Variants in CSMD1 observed in about 807,000 individuals in gnomAD.
The protein encoded by CSMD1 is CUB and Sushi multiple domains 1.
A neutral mutation model predicts 417.5 loss-of-function variants in CSMD1; 213 were observed. The observed-to-expected ratio is 0.51, with a 90% CI of 0.46 to 0.57. The LOEUF is 0.57. Ranked by LOEUF, CSMD1 falls within the 20% of genes least tolerant of loss-of-function variation. CSMD1 has a pLI of 0.00. For missense variants in CSMD1, 6,923 were observed against 4,529.7 expected, an observed-to-expected ratio of 1.53 and a Z score of -15.17; for synonymous variants, 2,862 against 1,736.8, an observed-to-expected ratio of 1.65 and a Z score of -16.11.
chr8:4,434,699 A>C (rs1231955590), intron 2 of CSMD1, among the ~76,000 whole-genome samples: 4 of 152,146 alleles, frequency 2.6e-5, no homozygotes, highest in African/African-American at 7.2e-5. Context: ...AAGAGTAACA[A>C]ATGTTTTCAT....
At chr8:4,960,568 C>G (rs1440938558) in intron 1 of CSMD1, among the ~76,000 whole-genome samples, 1 of 152,160 alleles carries the variant, frequency 6.6e-6, no homozygotes, top group East Asian at 1.9e-4. Context: ...ATCCTGCAAT[C>G]TTCATACACA....
chr8:4,462,897 G>A (rs1159234741), intron 2 of CSMD1, among the ~76,000 whole-genome samples: 1 of 152,028 alleles, frequency 6.6e-6, no homozygotes, highest in African/African-American at 2.4e-5. Context: ...TTTGTAACCT[G>A]ATGTTAAGCA....
intron 1 of CSMD1, among the ~76,000 whole-genome samples, chr8:4,838,433 C>G (rs1414580730): frequency 6.6e-6 from 1 of 152,166 alleles, no homozygotes; most frequent in East Asian, 1.9e-4. Flanking sequence ...AAGCATAGCT[C>G]AAACCAGAGG....
chr8:4,315,063 G>A (rs899532345), intron 3 of CSMD1, among the ~76,000 whole-genome samples: 5 of 152,044 alleles, frequency 3.3e-5, no homozygotes, highest in Admixed American at 2.0e-4. Flanking sequence ...CCACTGCCCC[G>A]ACCATTTGAA....
At chr8:3,468,203 G>T (rs1563067674) in intron 12 of CSMD1, among the ~76,000 whole-genome samples, 2 of 152,272 alleles carry the variant, frequency 1.3e-5, no homozygotes, top group East Asian at 3.9e-4. Context: ...GCATTTCAAT[G>T]GTTCAGAAAT....
intron 18 of CSMD1, among the ~76,000 whole-genome samples, chr8:3,386,374 C>T (rs1811004100): frequency 6.6e-6 from 1 of 152,262 alleles, no homozygotes; most frequent in South Asian, 2.1e-4. Context: ...TGCAGCATTC[C>T]CACCGGTTCC....
At chr8:2,974,127 G>A (rs1250126538) in intron 56 of CSMD1, among the ~76,000 whole-genome samples, 1 of 152,016 alleles carries the variant, frequency 6.6e-6, no homozygotes, top group Non-Finnish European at 1.5e-5. Context: ...GGTAGAGGGA[G>A]GGAAAATTAA....
chr8:4,098,715 T>G (rs1412997998), intron 3 of CSMD1, among the ~76,000 whole-genome samples: 2 of 152,228 alleles, frequency 1.3e-5, no homozygotes, highest in African/African-American at 4.8e-5. Flanking sequence ...TACTCTAGGT[T>G]TATTTCCATT....
In CSMD1 at chr8:3,583,720, A is replaced by C. The variant is rs148690693; in HGVS notation, c.1222+2416T>G. ...GATGGCAAAAGAGGCTGCCATTTGG[A>C]AGCTACAGCTGCACAAGCATTCTAG... is the stretch of plus-strand genomic sequence containing the variant. On this transcript the variant is annotated intron_variant, in intron 9 of 69. Transcript: ENST00000635120. 3.2e-3 allele frequency among the ~76,000 whole-genome samples: 484 copies of C among 152,198 alleles called. 4 individuals are homozygous for C. Among genetic ancestry groups the C allele is most frequent in the African/African-American group, 0.011 (465 of 41,518 alleles).
chr8:3,300,710 G>T (rs1359941914), intron 25 of CSMD1, among the ~76,000 whole-genome samples: 3 of 152,028 alleles, frequency 2.0e-5, no homozygotes, highest in Non-Finnish European at 4.4e-5. Context: ...TAATCCCAGT[G>T]CTTTGGGAGG....
chr8:3,710,238 T>C (rs115826829), intron 6 of CSMD1, among the ~76,000 whole-genome samples: 4,343 of 152,160 alleles, frequency 0.029, 190 homozygotes, highest in African/African-American at 0.096. Context: ...AGTCTAAAAA[T>C]AAGTGGATCC....
intron 3 of CSMD1, among the ~76,000 whole-genome samples, chr8:4,120,682 G>C (rs533518677): frequency 1.2e-4 from 19 of 152,330 alleles, no homozygotes; most frequent in Non-Finnish European, 2.5e-4. Context: ...AAAGAAGTAA[G>C]TTTAGATGCC....
chr8:3,506,812 G>A (rs958336241), intron 10 of CSMD1, among the ~76,000 whole-genome samples: 3 of 152,098 alleles, frequency 2.0e-5, no homozygotes, highest in South Asian at 2.1e-4. Flanking sequence ...TTTTTTAAAT[G>A]CTTTTCAAGG....
chr8:4,490,914 T>C (rs1350719792), intron 2 of CSMD1, among the ~76,000 whole-genome samples: 1 of 152,224 alleles, frequency 6.6e-6, no homozygotes, highest in Non-Finnish European at 1.5e-5. Flanking sequence ...GACTATAACT[T>C]ATCACAGGAG....
intron 26 of CSMD1, among the ~76,000 whole-genome samples, chr8:3,241,913 GTTTTA>G (rs1251606764): frequency 1.3e-5 from 2 of 151,234 alleles, no homozygotes; most frequent in African/African-American, 4.9e-5. Context: ...AATTTTTGGA[GTTTTA>G]TTTAATGCCG....
chr8:4,315,368 G>T (rs992572395), intron 3 of CSMD1, among the ~76,000 whole-genome samples: 3 of 152,178 alleles, frequency 2.0e-5, no homozygotes, highest in African/African-American at 7.2e-5. Context: ...GCAGGTACCA[G>T]CCTGCCTCAT....
intron 3 of CSMD1, among the ~76,000 whole-genome samples, chr8:4,242,940 A>G (rs1436207547): frequency 2.6e-5 from 4 of 152,230 alleles, no homozygotes; most frequent in African/African-American, 7.2e-5. Flanking sequence ...AGATCAATAT[A>G]TAACATTGCA....
intron 40 of CSMD1, 169 bp downstream of exon 40, chr8:3,151,228 G>C (rs753242568): frequency 5.7e-6 from 3 of 524,114 alleles, no homozygotes; most frequent in Non-Finnish European, 1.0e-5. Flanking sequence ...TTTCAAATAA[G>C]TTTTCCACTC....
At chr8:4,114,328 C>A (rs565015354) in intron 3 of CSMD1, among the ~76,000 whole-genome samples, 1 of 152,202 alleles carries the variant, frequency 6.6e-6, no homozygotes, top group South Asian at 2.1e-4. Flanking sequence ...GAGACCACAT[C>A]TGTTTACAGC....
Sources: gnomAD v4.1 joint callset for allele counts (sites outside exome capture counted in the v4.1 genomes callset) on GRCh38, gnomAD v4.1.1 for gene constraint, MANE v1.5 for transcripts, NCBI Gene and HGNC (gene_info 2026-07-23, HGNC 2026-07-21) for gene names.